Variants in ACSBG2 observed in about 807,000 individuals in gnomAD.
The protein encoded by ACSBG2 is long-chain-fatty-acid--CoA ligase ACSBG2.
A neutral mutation model predicts 74.7 loss-of-function variants in ACSBG2; 62 were observed. The observed-to-expected ratio is 0.83, with a 90% confidence interval of 0.68 to 1.03. The LOEUF is 1.03. ACSBG2 is among the 50% of genes least tolerant of loss of function. The pLI, the probability that ACSBG2 is intolerant of heterozygous loss-of-function variation, is 0.00. For missense variants in ACSBG2, 730 were observed against 817.6 expected (o/e 0.89, Z 1.31); for synonymous variants, 309 against 294.1 (o/e 1.05, Z -0.52).
At chr19:6,155,802 A>AG (rs2089400378) in intron 4 of ACSBG2, among the ~76,000 whole-genome samples, 1 of 151,574 alleles carries the variant, frequency 6.6e-6, no homozygotes, top group Non-Finnish European at 1.5e-5. Context: ...AAAAAAAAAA[A>AG]AAAAAATGGT....
At chr19:6,183,942 C>A (rs148138876) in intron 10 of ACSBG2, among the ~76,000 whole-genome samples, 1 of 152,042 alleles carries the variant, frequency 6.6e-6, no homozygotes, top group African/African-American at 2.4e-5. Flanking sequence ...TAGGACTACA[C>A]GCATGAGCCT....
Position 6,165,891 on chromosome 19 carries a change from G to A in ACSBG2, c.614G>A (p.Arg205Lys), listed in dbSNP as rs74699889. 1.0e-3 allele frequency: 1,679 copies of A among 1,614,144 alleles called. 13 individuals carry two copies. In the African/African-American group the frequency reaches 0.02, roughly 19 times the overall value. Residue 205 changes from arginine to lysine, a missense_variant, in exon 7 of 15, where the codon AGA becomes AAA. Transcript: ENST00000588485. ...TGGGATGATTTCATGGAACTTGGCA[G>A]AAGTATCCCTGACACCCAACTGGAG... ...YSWDDFMELG[R>K]SIPDTQLEQV...
Position 6,177,333 on chromosome 19 carries a change from G to T in ACSBG2, c.843G>T (p.Met281Ile). ...TCAGCCATATTGCAGCACAGATGAT[G>T]GACATCTGGGTACCCATAAAGATTG... ...LPLSHIAAQMMDIWVPIKIGA... is the reference protein window; with the variant it reads ...LPLSHIAAQMIDIWVPIKIGA... Residue 281 changes from methionine to isoleucine, a missense_variant, in exon 8 of 15, where the codon ATG becomes ATT. Met to Ile is a conservative substitution (Grantham distance 10, BLOSUM62 1). Transcript: ENST00000588485. 1 of 1,613,138 alleles carries T rather than the reference G, an allele frequency of 6.2e-7. No individual in the cohort carries two copies. The highest frequency in any genetic ancestry group is 2.2e-5 in the East Asian group (1 of 44,832).
chr19:6,176,384 C>A, intron 7 of ACSBG2: 1 of 1,521,220 alleles, frequency 6.6e-7, no homozygotes, highest in Non-Finnish European at 8.8e-7. Flanking sequence ...AGCTGACCAC[C>A]ATCTCATGCT....
At chr19:6,165,636 G>A (rs959019927) in intron 6 of ACSBG2, among the ~76,000 whole-genome samples, 7 of 152,226 alleles carry the variant, frequency 4.6e-5, no homozygotes, top group Non-Finnish European at 1.5e-5. Flanking sequence ...TTTTACAAAT[G>A]AGGAAACTGA....
intron 4 of ACSBG2, among the ~76,000 whole-genome samples, chr19:6,154,014 C>T (rs1444076584): frequency 6.6e-6 from 1 of 151,996 alleles, no homozygotes; most frequent in Non-Finnish European, 1.5e-5. Flanking sequence ...AGTTATATCT[C>T]ATCATCGAGA....
chr19:6,182,635 G>A (rs556028592), intron 8 of ACSBG2, 116 bp from the exon 9 acceptor site: 59 of 1,020,074 alleles, frequency 5.8e-5, no homozygotes, highest in South Asian at 1.0e-4. Flanking sequence ...GGAGTCCTGC[G>A]TAATCTGATC....
At position 6,167,988 on chromosome 19, in the gene ACSBG2, C is replaced by CA. The variant is rs543915519; in HGVS notation, c.738+1974dup. Among the ~76,000 whole-genome samples, 733 of 150,560 alleles carry CA rather than the reference C, an allele frequency of 4.9e-3. 7 individuals are homozygous for CA. Among genetic ancestry groups the CA allele is most frequent in the East Asian group, 9.5e-3 (48 of 5,078 alleles). ...CAACTCCCACCCTCACCCCCACCCCCAGTCTATCCTCTCTACAGCCACCAG... is the reference window on the plus strand; with the variant it reads ...CAACTCCCACCCTCACCCCCACCCCCAAGTCTATCCTCTCTACAGCCACCAG... On this transcript the variant is annotated intron_variant, in intron 7 of 14. Transcript: ENST00000588485.
intron 7 of ACSBG2, among the ~76,000 whole-genome samples, chr19:6,168,818 A>G (rs1022601810): frequency 6.6e-6 from 1 of 152,092 alleles, no homozygotes; most frequent in African/African-American, 2.4e-5. Flanking sequence ...TTGCTCTGTC[A>G]TCCAGGCTGG....
chr19:6,145,271 C>CTGTA (rs2088987160), intron 2 of ACSBG2, among the ~76,000 whole-genome samples: 1 of 152,044 alleles, frequency 6.6e-6, no homozygotes, highest in East Asian at 1.9e-4. Context: ...TGGTGCCCAC[C>CTGTA]TGTAATCCCC....
In ACSBG2 at chr19:6,147,541, GA is replaced by G; in HGVS notation, c.165del (p.Glu55AspfsTer27). The G allele has an allele frequency of 1.9e-6, 3 of 1,614,154 alleles. No individual in the cohort carries two copies. The South Asian group carries it at 3.3e-5, about 18-fold the overall frequency. On this transcript the variant is annotated frameshift_variant, in exon 3 of 15. Coordinates refer to ENST00000588485, the MANE Select transcript of ACSBG2 (RefSeq NM_030924.5). LOFTEE classifies it high-confidence loss of function. ...PGHETPMTIP[E>X]FFRESVNRFG... ...CCATGAGACCCCGATGACCATCCCT[GA>G]ATTTTTTCGAGAGTCAGTCAACCGA...
chr19:6,161,147 C>A, intron 5 of ACSBG2, 68 bp from the exon 6 acceptor site: 3 of 1,289,130 alleles, frequency 2.3e-6, no homozygotes, highest in Non-Finnish European at 3.4e-6. Context: ...TTACTTAGGA[C>A]ATCTAACCCA....
chr19:6,157,379 A>C (rs974484546), intron 5 of ACSBG2, among the ~76,000 whole-genome samples: 1 of 152,078 alleles, frequency 6.6e-6, no homozygotes, highest in African/African-American at 2.4e-5. Flanking sequence ...AACATGGTGA[A>C]ACTCCATCTC....
At chr19:6,185,203 AG>A (rs1355928512) in intron 10 of ACSBG2, among the ~76,000 whole-genome samples, 2 of 152,182 alleles carry the variant, frequency 1.3e-5, no homozygotes, top group Non-Finnish European at 2.9e-5. Flanking sequence ...TTAAGATTAC[AG>A]GTGTGAGCCA....
At chr19:6,184,983 C>T (rs982667162) in intron 10 of ACSBG2, among the ~76,000 whole-genome samples, 3 of 151,130 alleles carry the variant, frequency 2.0e-5, no homozygotes, top group South Asian at 4.2e-4. Context: ...AGTACAGTGG[C>T]GTGATCACTA....
Position 6,176,184 on chromosome 19 carries a change from C to G in ACSBG2, c.739-1045C>G, listed in dbSNP as rs535543435. ...AAACCGTTAGACCTAGGGCTTTACC[C>G]AAAAAAATCTGTCGAATGATTAACA... On this transcript the variant is annotated intron_variant, in intron 7 of 14. Coordinates refer to ENST00000588485, the MANE Select transcript of ACSBG2 (RefSeq NM_030924.5). The G allele has an allele frequency of 9.6e-5, 73 of 762,592 alleles. 1 individual carries two copies. The South Asian group carries it at 2.3e-3, about 24-fold the overall frequency. The allele number at this position is 762,592 out of a possible 1,614,324, so 47.2% of individuals were successfully genotyped here.
At chr19:6,184,124 T>C (rs1334103852) in intron 10 of ACSBG2, among the ~76,000 whole-genome samples, 1 of 152,182 alleles carries the variant, frequency 6.6e-6, no homozygotes, top group African/African-American at 2.4e-5. Context: ...TCATTTGTAC[T>C]TCCTTTCCTA....
intron 7 of ACSBG2, among the ~76,000 whole-genome samples, chr19:6,173,814 C>CT (rs1459579835): frequency 1.3e-5 from 2 of 152,176 alleles, no homozygotes; most frequent in African/African-American, 4.8e-5. Flanking sequence ...AACCACAAGG[C>CT]TTTCCACAAT....
chr19:6,154,402 AAG>A (rs547084046), intron 4 of ACSBG2, among the ~76,000 whole-genome samples: 3,074 of 83,224 alleles, frequency 0.037, 42 homozygotes, highest in South Asian at 0.096. Context: ...CCGTCTCAAA[AAG>A]AGAGAGAGAG....
Sources: allele counts gnomAD v4.1 joint callset (sites outside exome capture counted in the v4.1 genomes callset), GRCh38; gene constraint gnomAD v4.1.1; transcripts MANE v1.5; gene names NCBI Gene and HGNC (gene_info 2026-07-23, HGNC 2026-07-21).